STK32B: variants seen among roughly 807,000 people sequenced by gnomAD.
The protein encoded by STK32B is serine/threonine kinase 32B.
Under a neutral mutation model 52.6 loss-of-function variants are expected in STK32B, and 43 were observed. That is an observed-to-expected ratio of 0.82 (90% CI 0.64 to 1.05). The LOEUF is 1.05. Among genes scored for constraint, STK32B ranks in the 50% least tolerant of loss-of-function variants. The pLI is 0.00. For synonymous variants in STK32B, 238 were observed against 204.3 expected, an observed-to-expected ratio of 1.17 and a Z score of -1.41; for missense variants, 621 against 534.6, an observed-to-expected ratio of 1.16 and a Z score of -1.59.
At chr4:5,262,161 C>T (rs1042412808) in intron 3 of STK32B, among the ~76,000 whole-genome samples, 19 of 152,278 alleles carry the variant, frequency 1.2e-4, no homozygotes, top group African/African-American at 3.8e-4. Context: ...TAACTGGACT[C>T]TCTTGGAGCC....
intron 6 of STK32B, among the ~76,000 whole-genome samples, chr4:5,428,361 T>C (rs560390636): frequency 1.2e-4 from 18 of 152,096 alleles, no homozygotes; most frequent in Non-Finnish European, 1.8e-4. Context: ...TGAGCCGAGA[T>C]AGCACCACTG....
intron 3 of STK32B, among the ~76,000 whole-genome samples, chr4:5,209,516 G>C (rs951831420): frequency 6.6e-6 from 1 of 152,194 alleles, no homozygotes; most frequent in African/African-American, 2.4e-5. Flanking sequence ...GAGCCACTGT[G>C]CCCAGCCTAG....
intron 3 of STK32B, among the ~76,000 whole-genome samples, chr4:5,193,552 C>T (rs1721401586): frequency 6.6e-6 from 1 of 152,234 alleles, no homozygotes; most frequent in African/African-American, 2.4e-5. Flanking sequence ...AGATGGTCAG[C>T]AGGGATAACA....
intron 3 of STK32B, among the ~76,000 whole-genome samples, chr4:5,210,306 C>G (rs1186651450): frequency 1.1e-4 from 17 of 152,066 alleles, no homozygotes; most frequent in Admixed American, 1.1e-3. Context: ...CTGTTCACAC[C>G]TTACCCACCT....
chr4:5,315,370 A>G (rs76901637), intron 3 of STK32B, among the ~76,000 whole-genome samples: 2,657 of 152,264 alleles, frequency 0.017, 81 homozygotes, highest in African/African-American at 0.06. Context: ...TAAATTTTAC[A>G]AGAATTACTT....
At chr4:5,201,526 A>G (rs1337388281) in intron 3 of STK32B, among the ~76,000 whole-genome samples, 1 of 152,204 alleles carries the variant, frequency 6.6e-6, no homozygotes, top group Non-Finnish European at 1.5e-5. Flanking sequence ...AAGAAAGGAG[A>G]AGAGCAGAAA....
At position 5,460,288 on chromosome 4, in the gene STK32B, A is replaced by G; in HGVS notation, c.909+60A>G. On this transcript the variant is annotated intron_variant, in intron 9 of 11. Coordinates refer to ENST00000282908, the MANE Select transcript of STK32B (RefSeq NM_018401.3). The surrounding 1 kb of genome is among the most constrained non-coding windows in gnomAD (Gnocchi z 4.8). ...CTCTGCAGGGTCCCCGCCTTGGTGC[A>G]AAGCAAGACTTTGGCAGCTGGCTAG... is the stretch of plus-strand genomic sequence containing the variant. The G allele has an allele frequency of 6.5e-7, 1 of 1,549,426 alleles. No individual in the cohort carries two copies. Among genetic ancestry groups the G allele is most frequent in the Non-Finnish European group, 8.7e-7 (1 of 1,148,362 alleles).
chr4:5,494,618 A>G (rs1720056617), intron 11 of STK32B, among the ~76,000 whole-genome samples: 1 of 152,038 alleles, frequency 6.6e-6, no homozygotes, highest in Non-Finnish European at 1.5e-5. Flanking sequence ...TCCTGTCATG[A>G]TGATGTTAGC....
At position 5,239,865 on chromosome 4, in the gene STK32B, T is replaced by G. The variant is rs1724892410; in HGVS notation, c.260+71415T>G. Among the ~76,000 whole-genome samples the G allele has an allele frequency of 2.0e-5, 3 of 152,144 alleles. No homozygotes were observed. In the South Asian group the frequency reaches 6.2e-4, roughly 32 times the overall value. ...CTGGACCCCAGTAATATGAACTACT[T>G]GATCGGTTCCAAATGCATCATGTAC... On this transcript the variant is annotated intron_variant, in intron 3 of 11. Coordinates refer to ENST00000282908, the MANE Select transcript of STK32B (RefSeq NM_018401.3).
rs1343043875 is a variant in STK32B at position 5,170,483 on chromosome 4, T to C, written c.260+2033T>C. On this transcript the variant is annotated intron_variant, in intron 3 of 11. Transcript: ENST00000282908. ...CGTCCCCCCACCCCACAACAGTCTC[T>C]GGAGTGTGATGTTCCCCTTCCTGTG... Among the ~76,000 whole-genome samples, 8 of 151,622 alleles carry C rather than the reference T, an allele frequency of 5.3e-5. No homozygotes were observed. The South Asian group carries it at 8.4e-4, about 16-fold the overall frequency.
Position 5,246,145 on chromosome 4 carries a change from T to C in STK32B, c.260+77695T>C, listed in dbSNP as rs189407454. On this transcript the variant is annotated intron_variant, in intron 3 of 11. Transcript: ENST00000282908. ...GCCTTGCTAGATTGGGGAAGTTCTC[T>C]TGGATAATATCCTGCAGAGTGTTTT... 3.3e-5 allele frequency among the ~76,000 whole-genome samples: 5 copies of C among 152,348 alleles called. No homozygotes were observed. The East Asian group carries it at 9.6e-4, about 29-fold the overall frequency.
chr4:5,066,843 C>T (rs1742443765), intron 1 of STK32B, among the ~76,000 whole-genome samples: 1 of 152,194 alleles, frequency 6.6e-6, no homozygotes, highest in Admixed American at 6.5e-5. Context: ...TCAGTCATCT[C>T]CCACTTATCT....
chr4:5,395,945 G>C lies in STK32B; in HGVS notation c.435-2262G>C, dbSNP rs537311627. Among the ~76,000 whole-genome samples, 15 of 152,308 alleles carry C rather than the reference G, an allele frequency of 9.8e-5. No homozygotes were observed. The South Asian group carries it at 1.5e-3, about 15-fold the overall frequency. On this transcript the variant is annotated intron_variant, in intron 4 of 11. Coordinates refer to ENST00000282908, the MANE Select transcript of STK32B (RefSeq NM_018401.3). This position sits in a 1 kb window ranked among gnomAD's most constrained non-coding sequence, Gnocchi z 4.4. ...TCAGGATATGAGACAATGTGCGCCG[G>C]TGCAATGTGGATGTGGGGGCGTGGC... is the stretch of plus-strand genomic sequence containing the variant.
At chr4:5,429,751 T>A (rs927919263) in intron 6 of STK32B, among the ~76,000 whole-genome samples, 5 of 152,156 alleles carry the variant, frequency 3.3e-5, no homozygotes, top group Non-Finnish European at 7.4e-5. Flanking sequence ...ACTATTAAAA[T>A]CTACTGGTAA....
chr4:5,495,154 A>G (rs768293500), intron 11 of STK32B, among the ~76,000 whole-genome samples: 8 of 152,168 alleles, frequency 5.3e-5, no homozygotes, highest in Non-Finnish European at 7.3e-5. Flanking sequence ...TCTCCTGGAT[A>G]ATATCCTGCA....
chr4:5,149,104 G>A (rs1338564087), intron 2 of STK32B, among the ~76,000 whole-genome samples: 1 of 151,696 alleles, frequency 6.6e-6, no homozygotes, highest in African/African-American at 2.4e-5. Flanking sequence ...TGTAAAGTTG[G>A]TGTTACTTTT....
chr4:5,268,583 G>GTA (rs1336715092), intron 3 of STK32B, among the ~76,000 whole-genome samples: 1 of 122,822 alleles, frequency 8.1e-6, no homozygotes, highest in Non-Finnish European at 1.7e-5. Context: ...GTGTGTGTGT[G>GTA]TATAGCAAAT....
chr4:5,194,670 C>G (rs886473836), intron 3 of STK32B, among the ~76,000 whole-genome samples: 2 of 152,074 alleles, frequency 1.3e-5, no homozygotes, highest in African/African-American at 2.4e-5. Context: ...AAAGAAATAC[C>G]TGAGACTGGG....
chr4:5,281,096 G>A (rs1028739898), intron 3 of STK32B, among the ~76,000 whole-genome samples: 9 of 151,938 alleles, frequency 5.9e-5, no homozygotes, highest in Non-Finnish European at 1.3e-4. Context: ...GACAGAGCAG[G>A]AGAGAGAGAG....
Sources: gnomAD v4.1 joint callset for allele counts (sites outside exome capture counted in the v4.1 genomes callset) on GRCh38, gnomAD v4.1.1 for gene constraint, Gnocchi (gnomAD v3.1) non-coding constraint, MANE v1.5 for transcripts, NCBI Gene and HGNC (gene_info 2026-07-23, HGNC 2026-07-21) for gene names.